The following SLC35B4 variants were observed in gnomAD, a reference collection of about 807,000 sequenced individuals.
The protein encoded by SLC35B4 is nucleotide sugar transporter SLC35B4.
SLC35B4 carries 28 observed loss-of-function variants against 39.5 expected under a neutral mutation model. The ratio of observed to expected loss-of-function variants is 0.71; its 90% CI spans 0.53 to 0.97. The LOEUF is 0.97. Among genes scored for constraint, SLC35B4 ranks in the 50% least tolerant of loss-of-function variants. SLC35B4 has a pLI of 0.00. For synonymous variants in SLC35B4, 145 were observed against 150.4 expected, an observed-to-expected ratio of 0.96 and a Z score of 0.26; for missense variants, 334 against 414.3, an observed-to-expected ratio of 0.81 and a Z score of 1.68.
chr7:134,301,852 A>G, intron 5 of SLC35B4, 31 bp from the exon 6 acceptor site: 1 of 1,602,774 alleles, frequency 6.2e-7, no homozygotes, highest in Non-Finnish European at 8.5e-7. Context: ...CTAGGTACAG[A>G]GAGCAGAACT....
intron 8 of SLC35B4, among the ~76,000 whole-genome samples, chr7:134,297,284 T>C (rs1803489313): frequency 6.6e-6 from 1 of 152,190 alleles, no homozygotes. Context: ...CAGCCACAGG[T>C]TGGTGGCAGT....
At chr7:134,313,636 G>A (rs1803900861) in intron 1 of SLC35B4, among the ~76,000 whole-genome samples, 1 of 152,206 alleles carries the variant, frequency 6.6e-6, no homozygotes. Flanking sequence ...AAAAGCCTGA[G>A]TTTGTTTTCC....
chr7:134,316,752 G>C lies in SLC35B4; in HGVS notation c.-1C>G. On this transcript the variant is annotated 5_prime_UTR_variant, in exon 1 of 10. Transcript: ENST00000378509. ...GGCCCACCGCCAAGGCCGGGCGCAT[G>C]GCCGGTGCAGGGTTGGGGAAGCAAG... The C allele has an allele frequency of 3.9e-6, 6 of 1,547,998 alleles. No homozygotes were observed. Among genetic ancestry groups the C allele is most frequent in the Non-Finnish European group, 5.2e-6 (6 of 1,146,738 alleles).
At position 134,316,688 on chromosome 7, in the gene SLC35B4, C is replaced by T; in HGVS notation, c.64G>A (p.Glu22Lys). Residue 22 changes from glutamate to lysine, a missense_variant, in exon 1 of 10, where the codon GAG becomes AAG. Glu to Lys is a moderately conservative substitution (Grantham distance 56, BLOSUM62 1). Transcript: ENST00000378509. ...CGGGTCACTCACCGGGCCAGGAGCT[C>T]TAGGAAGATCACGTTACTGCAGCAG... ...AGCCSNVIFLELLARKHPGCG... is the reference protein window; with the variant it reads ...AGCCSNVIFLKLLARKHPGCG... 1 of 1,550,552 alleles carries T rather than the reference C, an allele frequency of 6.4e-7. No individual in the cohort carries two copies. The highest frequency in any genetic ancestry group is 8.7e-7 in the Non-Finnish European group (1 of 1,146,740).
chr7:134,290,884 A>G lies in SLC35B4; in HGVS notation c.*3949T>C, dbSNP rs772511573. 4 of 152,174 alleles carry G rather than the reference A, an allele frequency of 2.6e-5. No individual in the cohort carries two copies. Among genetic ancestry groups the G allele is most frequent in the Non-Finnish European group, 4.4e-5 (3 of 68,032 alleles). The allele number at this position is 152,174 out of a possible 1,614,324, so 9.4% of individuals were successfully genotyped here. On this transcript the variant is annotated 3_prime_UTR_variant, in exon 10 of 10. Coordinates refer to ENST00000378509, the MANE Select transcript of SLC35B4 (RefSeq NM_032826.5). ...ACAACAGACATAGGATCTTGATTTC[A>G]ACGTAGTTCTCCTCCATGTGCATTT...
intron 2 of SLC35B4, among the ~76,000 whole-genome samples, chr7:134,308,092 T>C (rs1289133837): frequency 6.6e-6 from 1 of 151,572 alleles, no homozygotes; most frequent in Non-Finnish European, 1.5e-5. Context: ...CTACAGAAAA[T>C]AAAATGGCCA....
intron 6 of SLC35B4, among the ~76,000 whole-genome samples, 179 bp from the exon 7 acceptor site, chr7:134,300,440 A>G (rs1255152143): frequency 2.6e-5 from 4 of 152,204 alleles, no homozygotes; most frequent in Admixed American, 2.0e-4. Context: ...AGCTTTCTAC[A>G]TCTTCTTATA....
At chr7:134,305,258 G>A (rs1378780288) in intron 3 of SLC35B4, among the ~76,000 whole-genome samples, 1 of 152,006 alleles carries the variant, frequency 6.6e-6, no homozygotes, top group Non-Finnish European at 1.5e-5. Flanking sequence ...GGGAAGTGGA[G>A]GTTGCAGTGA....
rs1363203511 is a variant in SLC35B4 at position 134,291,893 on chromosome 7, A to G, written c.*2940T>C. The stretch of plus-strand genomic sequence containing the variant: ...GATATGTAGACATTAAGCTAATACA[A>G]TTCAAATATCCACCATCTTCAGTTA... On this transcript the variant is annotated 3_prime_UTR_variant, in exon 10 of 10. Coordinates refer to ENST00000378509, the MANE Select transcript of SLC35B4 (RefSeq NM_032826.5). The G allele has an allele frequency of 6.6e-6, 1 of 152,274 alleles. No individual in the cohort carries two copies. The highest frequency in any genetic ancestry group is 2.4e-5 in the African/African-American group (1 of 41,470). The allele number at this position is 152,274 out of a possible 1,614,324, so 9.4% of individuals were successfully genotyped here. A position where few individuals can be genotyped will look rare whatever the true frequency, so the allele number is the denominator to read the frequency against.
At chr7:134,315,926 G>A (rs1803961236) in intron 1 of SLC35B4, among the ~76,000 whole-genome samples, 1 of 151,364 alleles carries the variant, frequency 6.6e-6, no homozygotes, top group Non-Finnish European at 1.5e-5. Flanking sequence ...TCTATCCACT[G>A]AACTTTGCAC....
upstream of SLC35B4, among the ~76,000 whole-genome samples, chr7:134,319,619 C>T (rs141896114): frequency 6.6e-6 from 1 of 152,260 alleles, no homozygotes; most frequent in East Asian, 1.9e-4. Flanking sequence ...TGTCTATGTA[C>T]AGCCCCCATC....
rs1803421645 is a variant in SLC35B4, at chr7:134,294,815, A to G, written c.*18T>C. The G allele has an allele frequency of 1.2e-6, 2 of 1,612,154 alleles. No homozygotes were observed. Among genetic ancestry groups the G allele is most frequent in the Non-Finnish European group, 8.5e-7 (1 of 1,179,776 alleles). ...CCCACCCTCACGACGACACTGGTCT[A>G]CGTACTCCAGACAGGCCTCAGTTCT... On this transcript the variant is annotated 3_prime_UTR_variant, in exon 10 of 10. Coordinates refer to ENST00000378509, the MANE Select transcript of SLC35B4 (RefSeq NM_032826.5).
At position 134,294,490 on chromosome 7, in the gene SLC35B4, A is replaced by T; in HGVS notation, c.*343T>A. 4.5e-6 allele frequency: 1 copy of T among 223,998 alleles called. No individual in the cohort carries two copies. Among genetic ancestry groups the T allele is most frequent in the Non-Finnish European group, 9.1e-6 (1 of 110,140 alleles). 13.9% of individuals were successfully genotyped at this position (223,998 alleles called of 1,614,324 possible). ...ATGCATTACAACAGCAAGAGAAGGGACAATCTTTTCCAAGACCATGGATAG... is the reference window on the plus strand; with the variant it reads ...ATGCATTACAACAGCAAGAGAAGGGTCAATCTTTTCCAAGACCATGGATAG... On this transcript the variant is annotated 3_prime_UTR_variant, in exon 10 of 10. Coordinates refer to ENST00000378509, the MANE Select transcript of SLC35B4 (RefSeq NM_032826.5).
rs1202723891 is a variant in SLC35B4, at chr7:134,316,860, C to T, written c.-109G>A. 3 of 1,146,786 alleles carry T rather than the reference C, an allele frequency of 2.6e-6. No individual in the cohort carries two copies. Among genetic ancestry groups the T allele is most frequent in the East Asian group, 2.6e-5 (1 of 37,842 alleles). The allele number at this position is 1,146,786 out of a possible 1,614,324, so 71.0% of individuals were successfully genotyped here. A position where few individuals can be genotyped will look rare whatever the true frequency, so the allele number is the denominator to read the frequency against. On this transcript the variant is annotated 5_prime_UTR_variant, in exon 1 of 10. Transcript: ENST00000378509. The stretch of plus-strand genomic sequence containing the variant: ...TCGCTGCGCAGCACATCGCACCGTC[C>T]TGGAAAGCCGCTCTCACTGGGGGCC...
intron 2 of SLC35B4, among the ~76,000 whole-genome samples, chr7:134,307,903 T>C (rs1201998553): frequency 6.6e-6 from 1 of 152,226 alleles, no homozygotes; most frequent in Admixed American, 6.5e-5. Context: ...CTAAATAATA[T>C]ACTATCAGCG....
At chr7:134,300,075 G>T in intron 7 of SLC35B4, 77 bp downstream of exon 7, 3 of 1,051,882 alleles carry the variant, frequency 2.9e-6, no homozygotes, top group East Asian at 2.4e-5. Flanking sequence ...CTACATCAGA[G>T]AATATTAATA....
At chr7:134,301,498 GACACACACTTTTCTTTCTAC>G (rs1318333434) in intron 6 of SLC35B4, among the ~76,000 whole-genome samples, 1 of 152,218 alleles carries the variant, frequency 6.6e-6, no homozygotes, top group Non-Finnish European at 1.5e-5. Context: ...TGTGCAAGTA[GACACACACTTTTCTTTCTAC>G]ACCAGTGGCA....
upstream of SLC35B4, among the ~76,000 whole-genome samples, chr7:134,317,884 T>C (rs1804027367): frequency 6.7e-6 from 1 of 150,280 alleles, no homozygotes; most frequent in South Asian, 2.1e-4. Context: ...GTGTTTACAC[T>C]TCCTTTCTGC....
At chr7:134,305,702 C>T (rs1040735632) in intron 3 of SLC35B4, among the ~76,000 whole-genome samples, 16 of 152,170 alleles carry the variant, frequency 1.1e-4, no homozygotes, top group African/African-American at 3.9e-4. Flanking sequence ...CGGAGTTTTG[C>T]TCTTGTTGCC....
Sources: gnomAD v4.1 joint callset for allele counts (sites outside exome capture counted in the v4.1 genomes callset) on GRCh38, gnomAD v4.1.1 for gene constraint, MANE v1.5 for transcripts, NCBI Gene and HGNC (gene_info 2026-07-23, HGNC 2026-07-21) for gene names.